The following ADCY2 variants were observed in gnomAD, a reference collection of about 807,000 sequenced individuals.
ADCY2 encodes the protein adenylate cyclase 2, also known as adenylate cyclase type 2.
ADCY2 carries 31 observed loss-of-function variants against 125.2 expected under a neutral mutation model. The ratio of observed to expected loss-of-function variants is 0.25; its 90% confidence interval spans 0.19 to 0.33. The LOEUF is 0.33. Ranked by LOEUF, ADCY2 falls within the 10% of genes least tolerant of loss-of-function variation. The pLI, the probability that ADCY2 is intolerant of heterozygous loss-of-function variation, is 1.00. For missense variants in ADCY2, 904 were observed against 1,418.2 expected, an observed-to-expected ratio of 0.64 and a Z score of 5.82; for synonymous variants, 512 against 548.4, an observed-to-expected ratio of 0.93 and a Z score of 0.93.
At chr5:7,460,725 C>T (rs1370299782) in intron 2 of ADCY2, among the ~76,000 whole-genome samples, 1 of 151,922 alleles carries the variant, frequency 6.6e-6, no homozygotes, top group Non-Finnish European at 1.5e-5. Flanking sequence ...ATTGTGTCCA[C>T]GAGTATGTAT....
At chr5:7,528,150 C>G (rs1157155854) in intron 3 of ADCY2, among the ~76,000 whole-genome samples, 1 of 152,124 alleles carries the variant, frequency 6.6e-6, no homozygotes, top group Admixed American at 6.5e-5. Flanking sequence ...TTGGGAGGAG[C>G]TAAAAATAGG....
intron 3 of ADCY2, among the ~76,000 whole-genome samples, chr5:7,558,456 A>G (rs1277253944): frequency 1.3e-5 from 2 of 152,110 alleles, no homozygotes; most frequent in Non-Finnish European, 2.9e-5. Context: ...GCTTTTTATT[A>G]TATGATTGTT....
chr5:7,755,147 T>C (rs1482568669), intron 15 of ADCY2, among the ~76,000 whole-genome samples: 1 of 152,188 alleles, frequency 6.6e-6, no homozygotes, highest in African/African-American at 2.4e-5. Flanking sequence ...GGTTCTTCTG[T>C]TGCCGGTGAT....
At chr5:7,572,967 T>G (rs1326007312) in intron 3 of ADCY2, among the ~76,000 whole-genome samples, 1 of 152,112 alleles carries the variant, frequency 6.6e-6, no homozygotes, top group Non-Finnish European at 1.5e-5. Context: ...AAACAAGGTC[T>G]TTAGGGTGGG....
intron 4 of ADCY2, among the ~76,000 whole-genome samples, chr5:7,637,613 G>A (rs1738556983): frequency 1.3e-5 from 2 of 151,990 alleles, no homozygotes; most frequent in South Asian, 4.1e-4. Flanking sequence ...TTTAAAATAG[G>A]CAAATAACCT....
chr5:7,487,649 A>G (rs371285620), intron 2 of ADCY2, among the ~76,000 whole-genome samples: 1 of 152,246 alleles, frequency 6.6e-6, no homozygotes, highest in African/African-American at 2.4e-5. Flanking sequence ...TTCAGTGGCA[A>G]AGCACTTGGT....
At chr5:7,618,231 G>A (rs971493899) in intron 3 of ADCY2, among the ~76,000 whole-genome samples, 5 of 152,072 alleles carry the variant, frequency 3.3e-5, no homozygotes, top group Admixed American at 1.3e-4. Flanking sequence ...GTCTTCTTAC[G>A]TTTGATGTCA....
chr5:7,410,862 A>T (rs1251741453), intron 1 of ADCY2, among the ~76,000 whole-genome samples: 2 of 152,058 alleles, frequency 1.3e-5, no homozygotes, highest in African/African-American at 4.8e-5. Context: ...AATGTTTGAA[A>T]ACAACTCAAT....
At chr5:7,688,794 C>T (rs1202867145) in intron 4 of ADCY2, among the ~76,000 whole-genome samples, 1 of 152,134 alleles carries the variant, frequency 6.6e-6, no homozygotes, top group Non-Finnish European at 1.5e-5. Context: ...TCAGTGGAGG[C>T]AGTACTAGCA....
intron 4 of ADCY2, among the ~76,000 whole-genome samples, chr5:7,660,787 T>TAA (rs11395291): frequency 0.22 from 33,470 of 150,724 alleles, 3,823 homozygotes; most frequent in South Asian, 0.37. Context: ...AATCACATGT[T>TAA]AAAAAAAAAA....
intron 18 of ADCY2, among the ~76,000 whole-genome samples, chr5:7,774,693 T>C (rs1356361659): frequency 2.6e-5 from 4 of 152,180 alleles, no homozygotes; most frequent in African/African-American, 9.7e-5. Flanking sequence ...TTCTCTGTAT[T>C]AAAGGTGTTT....
intron 3 of ADCY2, among the ~76,000 whole-genome samples, chr5:7,579,725 T>G (rs12655302): frequency 2.0e-5 from 3 of 151,948 alleles, no homozygotes; most frequent in Non-Finnish European, 2.9e-5. Context: ...AAATAAATAA[T>G]AGGAAACAAG....
intron 2 of ADCY2, among the ~76,000 whole-genome samples, chr5:7,488,784 C>T (rs889371095): frequency 1.3e-5 from 2 of 152,152 alleles, no homozygotes; most frequent in African/African-American, 4.8e-5. Context: ...TCCCTTTGCC[C>T]ATTTCTTCTA....
chr5:7,454,063 C>G (rs1351963537), intron 2 of ADCY2, among the ~76,000 whole-genome samples: 1 of 152,160 alleles, frequency 6.6e-6, no homozygotes, highest in African/African-American at 2.4e-5. Context: ...CAGTTAACAA[C>G]TGCCTGAACA....
chr5:7,446,571 T>C (rs928501897), intron 2 of ADCY2, among the ~76,000 whole-genome samples: 1 of 152,130 alleles, frequency 6.6e-6, no homozygotes, highest in South Asian at 2.1e-4. Flanking sequence ...CATACATACA[T>C]ACATACATAC....
chr5:7,425,093 T>C (rs1740340143), intron 2 of ADCY2, among the ~76,000 whole-genome samples: 1 of 152,106 alleles, frequency 6.6e-6, no homozygotes, highest in Admixed American at 6.5e-5. Context: ...CTGCTCACTG[T>C]CTCGAGAGCC....
intron 4 of ADCY2, among the ~76,000 whole-genome samples, chr5:7,637,423 C>T (rs1738547393): frequency 7.6e-6 from 1 of 132,156 alleles, no homozygotes; most frequent in African/African-American, 3.0e-5. Flanking sequence ...CAGAGTGAGA[C>T]TCCGTCTCAA....
chr5:7,684,130 G>A (rs734986), intron 4 of ADCY2, among the ~76,000 whole-genome samples: 67,344 of 152,114 alleles, frequency 0.44, 16,165 homozygotes, highest in Admixed American at 0.54. Context: ...ATCAGACTTG[G>A]CTCCCCTGTG....
At chr5:7,784,281 T>C (rs1162512917) in intron 18 of ADCY2, 84 bp from the exon 19 acceptor site, 4 of 966,200 alleles carry the variant, frequency 4.1e-6, no homozygotes, top group South Asian at 1.4e-5. Flanking sequence ...GAGAATCTGA[T>C]ATTTGTTGAT....
Sources: allele counts gnomAD v4.1 joint callset (sites outside exome capture counted in the v4.1 genomes callset), GRCh38; gene constraint gnomAD v4.1.1; transcripts MANE v1.5; gene names NCBI Gene and HGNC (gene_info 2026-07-23, HGNC 2026-07-21).